Variants in FOCAD observed in about 807,000 individuals in gnomAD.
FOCAD encodes KIAA1797.
A neutral mutation model predicts 225.6 loss-of-function variants in FOCAD; 198 were observed. The ratio of observed to expected loss-of-function variants is 0.88; its 90% CI spans 0.78 to 0.99. FOCAD has a LOEUF of 0.99. Among genes scored for constraint, FOCAD ranks in the 50% least tolerant of loss-of-function variants. FOCAD has a pLI of 0.00. For synonymous variants in FOCAD, 897 were observed against 755.0 expected, an observed-to-expected ratio of 1.19 and a Z score of -3.08; for missense variants, 2,713 against 2,123.6, an observed-to-expected ratio of 1.28 and a Z score of -5.46.
At chr9:20,767,721 A>G (rs950978656) in intron 7 of FOCAD, among the ~76,000 whole-genome samples, 1 of 144,432 alleles carries the variant, frequency 6.9e-6, no homozygotes, top group Non-Finnish European at 1.5e-5. Context: ...GATTCTGGAT[A>G]TTAGCCCTTT....
upstream of FOCAD, among the ~76,000 whole-genome samples, chr9:20,681,808 G>A (rs2131300363): frequency 6.6e-6 from 1 of 152,356 alleles, no homozygotes; most frequent in East Asian, 1.9e-4. Context: ...GAAGGAGGGG[G>A]TGAGCCCATG....
intron 15 of FOCAD, among the ~76,000 whole-genome samples, chr9:20,837,139 G>T (rs552783184): frequency 6.6e-6 from 1 of 152,014 alleles, no homozygotes; most frequent in Admixed American, 6.6e-5. Context: ...CATTGCCCCC[G>T]TGCTTTATTT....
At chr9:20,709,252 G>A (rs1587288604) in intron 1 of FOCAD, among the ~76,000 whole-genome samples, 1 of 152,144 alleles carries the variant, frequency 6.6e-6, no homozygotes, top group South Asian at 2.1e-4. Context: ...TTCTCTTTCT[G>A]ATTTAGGTTT....
chr9:20,777,304 G>GTTTTTTTTTTTTTTTTTTT (rs35710134), intron 8 of FOCAD, among the ~76,000 whole-genome samples: 1 of 110,866 alleles, frequency 9.0e-6, no homozygotes. Context: ...TTTCCTGTGG[G>GTTTTTTTTTTTTTTTTTTT]TTTTTTTTTT....
At chr9:20,665,432 T>G (rs1422502012) in intron 2 of FOCAD, among the ~76,000 whole-genome samples, 1 of 152,186 alleles carries the variant, frequency 6.6e-6, no homozygotes, top group Non-Finnish European at 1.5e-5. Context: ...ATTCATCTCT[T>G]TATCTCATTC....
At chr9:20,848,224 C>G (rs956516198) in intron 15 of FOCAD, among the ~76,000 whole-genome samples, 6 of 152,012 alleles carry the variant, frequency 3.9e-5, no homozygotes, top group Non-Finnish European at 7.4e-5. Context: ...AGAAATATGA[C>G]TGGACAAAAT....
chr9:20,731,240 AAACAACAACAAC>A lies in FOCAD; in HGVS notation c.288-8963_288-8952del, dbSNP rs146322610. Among the ~76,000 whole-genome samples the A allele has an allele frequency of 2.0e-3, 297 of 150,406 alleles. 2 individuals carry two copies. The highest frequency in any genetic ancestry group is 8.5e-3 in the South Asian group (40 of 4,700). ...GTGACACAGCGAGACTTTGTCTCCAAAACAACAACAACAACAACAACAACAACAACAACAACA... is the reference window on the plus strand; with the variant it reads ...GTGACACAGCGAGACTTTGTCTCCAAAACAACAACAACAACAACAACAACA... On this transcript the variant is annotated intron_variant, in intron 4 of 43. Coordinates refer to ENST00000338382, the MANE Select transcript of FOCAD (RefSeq NM_001375567.1).
chr9:20,726,032 C>T (rs1246834247), intron 4 of FOCAD, among the ~76,000 whole-genome samples: 1 of 151,996 alleles, frequency 6.6e-6, no homozygotes, highest in Non-Finnish European at 1.5e-5. Context: ...ACAAAAGAAA[C>T]ACAGTAAGGA....
chr9:20,844,274 T>C (rs1268099502), intron 15 of FOCAD, among the ~76,000 whole-genome samples: 1 of 151,240 alleles, frequency 6.6e-6, no homozygotes, highest in Non-Finnish European at 1.5e-5. Flanking sequence ...GTTCCTACTG[T>C]GCATAAGGCA....
At chr9:20,695,582 A>G (rs562340156) in intron 1 of FOCAD, among the ~76,000 whole-genome samples, 87 of 152,312 alleles carry the variant, frequency 5.7e-4, no homozygotes, top group African/African-American at 2.0e-3. Context: ...AACATTTGAC[A>G]TAAAGCTTGT....
intron 5 of FOCAD, among the ~76,000 whole-genome samples, chr9:20,741,267 G>C (rs977248133): frequency 6.6e-6 from 1 of 152,148 alleles, no homozygotes; most frequent in Non-Finnish European, 1.5e-5. Flanking sequence ...AAGTGTGAGA[G>C]AGTCTCTCTT....
At chr9:20,786,016 C>CT (rs1449191750) in intron 10 of FOCAD, among the ~76,000 whole-genome samples, 1 of 152,104 alleles carries the variant, frequency 6.6e-6, no homozygotes, top group African/African-American at 2.4e-5. Flanking sequence ...TCTTAAAATA[C>CT]TTATTTTACA....
At chr9:20,906,435 T>C (rs1270531202) in intron 21 of FOCAD, among the ~76,000 whole-genome samples, 2 of 152,062 alleles carry the variant, frequency 1.3e-5, no homozygotes, top group Admixed American at 6.6e-5. Flanking sequence ...TTTTTCTTGA[T>C]TGATCTTTCT....
intron 21 of FOCAD, among the ~76,000 whole-genome samples, chr9:20,890,862 T>A (rs1246474187): frequency 7.1e-4 from 4 of 5,628 alleles, no homozygotes; most frequent in Admixed American, 3.7e-3. Flanking sequence ...CATGAGGCTA[T>A]TTTTTTTTAA....
At chr9:20,901,441 A>G (rs746711284) in intron 21 of FOCAD, among the ~76,000 whole-genome samples, 1 of 151,940 alleles carries the variant, frequency 6.6e-6, no homozygotes, top group Admixed American at 6.6e-5. Context: ...TAGTTCGACA[A>G]TCAAAGAATG....
At chr9:20,753,136 C>A (rs200837592) in intron 5 of FOCAD, among the ~76,000 whole-genome samples, 2 of 152,082 alleles carry the variant, frequency 1.3e-5, no homozygotes, top group African/African-American at 4.8e-5. Context: ...CTTTTCCTAA[C>A]TGAATACTCT....
chr9:20,673,167 T>A (rs958632813), intron 2 of FOCAD, among the ~76,000 whole-genome samples: 1 of 152,170 alleles, frequency 6.6e-6, no homozygotes, highest in African/African-American at 2.4e-5. Flanking sequence ...CTAGTTACTC[T>A]TGTTTGTTTT....
rs1348735975 is a variant in FOCAD, at chr9:20,882,017, G to A, written c.2464G>A (p.Glu822Lys). Reference sequence around the variant, plus strand: ...CCCCAATTTTATATTGAAAATGTATGAAACAAACAAGCAACCAGGACTGAA... The same window carrying A: ...CCCCAATTTTATATTGAAAATGTATAAAACAAACAAGCAACCAGGACTGAA... ...GIPNFILKMY[E>K]TNKQPGLKPG... The change falls in exon 20 of 44, where the codon GAA becomes AAA. Residue 822 changes from glutamate (E) to lysine (K), a missense_variant. By Grantham distance (56) the Glu-to-Lys change is moderately conservative (BLOSUM62 1). Coordinates refer to ENST00000338382, the MANE Select transcript of FOCAD (RefSeq NM_001375567.1). The A allele has an allele frequency of 6.2e-7, 1 of 1,613,710 alleles. No homozygotes were observed. Among genetic ancestry groups the A allele is most frequent in the East Asian group, 2.2e-5 (1 of 44,874 alleles).
At position 20,935,972 on chromosome 9, in the gene FOCAD, CA is replaced by C. The variant is rs1448295690; in HGVS notation, c.3407+2876del. Among the ~76,000 whole-genome samples, 37 of 151,900 alleles carry C rather than the reference CA, an allele frequency of 2.4e-4. 1 individual carries two copies. Among genetic ancestry groups the C allele is most frequent in the Admixed American group, 2.4e-3 (37 of 15,256 alleles). ...ATGAAAGATAAAAATGAAAAATAAT[CA>C]AAAAAAGAATTAAACACACTCATTT... is the stretch of plus-strand genomic sequence containing the variant. On this transcript the variant is annotated intron_variant, in intron 28 of 43. Transcript: ENST00000338382.
Sources: gnomAD v4.1 joint callset for allele counts (sites outside exome capture counted in the v4.1 genomes callset) on GRCh38, gnomAD v4.1.1 for gene constraint, MANE v1.5 for transcripts, NCBI Gene and HGNC (gene_info 2026-07-23, HGNC 2026-07-21) for gene names.